Variants in FANCD2 observed in about 807,000 individuals in gnomAD.
FANCD2 encodes Fanconi anemia group D2 protein.
A neutral mutation model predicts 192.3 loss-of-function variants in FANCD2; 131 were observed. The ratio of observed to expected loss-of-function variants is 0.68; its 90% confidence interval spans 0.59 to 0.79. FANCD2 has a LOEUF of 0.79. Among genes scored for constraint, FANCD2 ranks in the 30% least tolerant of loss-of-function variants. The pLI is 0.00. For missense variants in FANCD2, 1,508 were observed against 1,701.6 expected (o/e 0.89, Z 2.00); for synonymous variants, 524 against 612.5 (o/e 0.86, Z 2.13).
intron 9 of FANCD2, chr3:10,040,087 T>C (rs2086828973): frequency 2.0e-6 from 1 of 496,764 alleles, no homozygotes; most frequent in African/African-American, 2.0e-5. Context: ...CAGGCTGGAG[T>C]GCAGTGGTGC....
At chr3:10,028,848 A>G in intron 2 of FANCD2, 127 bp downstream of exon 2, 1 of 859,798 alleles carries the variant, frequency 1.2e-6, no homozygotes, top group Non-Finnish European at 1.9e-6. Flanking sequence ...CACAGAATTA[A>G]GGGAGAAATA....
chr3:10,075,595 CAG>C (rs1693489065), intron 29 of FANCD2, among the ~76,000 whole-genome samples: 1 of 152,112 alleles, frequency 6.6e-6, no homozygotes, highest in African/African-American at 2.4e-5. Context: ...GACATTTTCA[CAG>C]ATAAAGTAAC....
intron 3 of FANCD2, among the ~76,000 whole-genome samples, chr3:10,033,696 G>GTTTTTT (rs751645479): frequency 2.4e-4 from 15 of 62,464 alleles, no homozygotes; most frequent in African/African-American, 7.0e-4. Flanking sequence ...TCAAAGCTAA[G>GTTTTTT]TCTTTTTTTT....
At chr3:10,092,897 C>T (rs1364905607) in intron 38 of FANCD2, among the ~76,000 whole-genome samples, 1 of 151,670 alleles carries the variant, frequency 6.6e-6, no homozygotes, top group Non-Finnish European at 1.5e-5. Flanking sequence ...TCATTCTGTT[C>T]CCCAGGCTGG....
At chr3:10,035,953 A>T (rs1245534545) in intron 6 of FANCD2, among the ~76,000 whole-genome samples, 1 of 152,174 alleles carries the variant, frequency 6.6e-6, no homozygotes, top group Admixed American at 6.5e-5. Context: ...TCAGAAGACA[A>T]ATTAAGTCTT....
rs1553610035 is a variant in FANCD2, at chr3:10,054,410, C to CGT, written c.1656+1914_1656+1915dup. Among the ~76,000 whole-genome samples, 12 of 71,416 alleles carry CGT rather than the reference C, an allele frequency of 1.7e-4. 1 individual carries two copies. The highest frequency in any genetic ancestry group is 8.5e-4 in the African/African-American group (10 of 11,776). 46.9% of individuals were successfully genotyped at this position (71,416 alleles called of 152,430 possible). A position where few individuals can be genotyped will look rare whatever the true frequency, so the allele number is the denominator to read the frequency against. ...ATATGTATATACGTATATGTATATA[C>CGT]GTATATACATATATACATGTATATA... On this transcript the variant is annotated intron_variant, in intron 18 of 43. Transcript: ENST00000675286.
Position 10,052,418 on chromosome 3 carries a change from C to T in FANCD2, c.1577C>T (p.Pro526Leu). The change falls in exon 18 of 44, where the codon CCT becomes CTT. Residue 526 changes from proline to leucine, a missense_variant. Physicochemically the swap from Pro to Leu is moderately conservative, Grantham distance 98. Around this residue, in one of 5 missense-constraint regions of FANCD2, gnomAD observed 110 missense variants for 114.4 expected, o/e 0.96. Transcript: ENST00000675286. ...GILDYLDNIS[P>L]QQIRKLFYVL... ...TTAGATTATCTGGATAACATATCCC[C>T]TCAGCAAATACGAAAACTCTTCTAT... The T allele has an allele frequency of 6.2e-7, 1 of 1,613,312 alleles. No homozygotes were observed. Among genetic ancestry groups the T allele is most frequent in the Non-Finnish European group, 8.5e-7 (1 of 1,179,522 alleles).
chr3:10,085,922 G>A lies in FANCD2; in HGVS notation c.3335G>A (p.Ser1112Asn). Reference sequence around the variant, plus strand: ...AGCCAGCCTTTGGAGGAACTACTCAGGTGAGTCATAACTACATAGCCAAGA... The same window carrying A: ...AGCCAGCCTTTGGAGGAACTACTCAAGTGAGTCATAACTACATAGCCAAGA... Reference protein sequence around the residue: ...EHSQPLEELLSQSVHYLQNFH... With the variant: ...EHSQPLEELLNQSVHYLQNFH... The change falls in exon 33 of 44, where the codon AGC becomes AAC. Residue 1112 changes from serine (S) to asparagine (N), a missense_variant and splice_region_variant. By Grantham distance (46) the Ser-to-Asn change is conservative (BLOSUM62 1). This residue lies in a region of FANCD2 where 796 missense variants were observed against 879.4 expected (regional missense o/e 0.91). Coordinates refer to ENST00000675286, the MANE Select transcript of FANCD2 (RefSeq NM_001018115.3). 2 of 1,601,410 alleles carry A rather than the reference G, an allele frequency of 1.2e-6. No individual in the cohort carries two copies. The highest frequency in any genetic ancestry group is 1.7e-6 in the Non-Finnish European group (2 of 1,168,578).
rs544908349 is a variant in FANCD2 at position 10,060,409 on chromosome 3, C to T, written c.1766+6C>T. On this transcript the variant is annotated splice_donor_region_variant and intron_variant, in intron 19 of 43. Coordinates refer to ENST00000675286, the MANE Select transcript of FANCD2 (RefSeq NM_001018115.3). The stretch of plus-strand genomic sequence containing the variant: ...GGCATCATGGCGGCAGACAGGTACA[C>T]GTGGAGATTCTGACTTCTGTGGTTT... 27 of 1,602,462 alleles carry T rather than the reference C, an allele frequency of 1.7e-5. No homozygotes were observed. In the South Asian group the frequency reaches 2.3e-4, roughly 14 times the overall value.
At position 10,074,554 on chromosome 3, in the gene FANCD2, ACAT is replaced by A. The variant is rs758781334; in HGVS notation, c.2744_2746del (p.Ser915del). On this transcript the variant is annotated inframe_deletion, in exon 29 of 44. Coordinates refer to ENST00000675286, the MANE Select transcript of FANCD2 (RefSeq NM_001018115.3). ...GGAGTTCACAGGGAAGGAAGAAAAG[ACAT>A]CATTGTTACTACATAATTCCCATGC... 6.2e-7 allele frequency: 1 copy of A among 1,613,804 alleles called. No individual in the cohort carries two copies. The highest frequency in any genetic ancestry group is 8.5e-7 in the Non-Finnish European group (1 of 1,179,862).
intron 1 of FANCD2, 74 bp downstream of exon 1, chr3:10,026,547 G>T (rs1411707641): frequency 9.4e-6 from 4 of 427,544 alleles, no homozygotes; most frequent in African/African-American, 6.4e-5. Context: ...AGTCCGGGCC[G>T]CGGTCGGCGT....
intron 26 of FANCD2, among the ~76,000 whole-genome samples, chr3:10,070,312 C>G (rs913474240): frequency 7.3e-5 from 11 of 150,354 alleles, no homozygotes; most frequent in African/African-American, 2.7e-4. Flanking sequence ...CCGGCAGCCA[C>G]CCCGTCCGGG....
chr3:10,086,994 A>G (rs1694245555), intron 33 of FANCD2, 140 bp from the exon 34 acceptor site: 1 of 924,908 alleles, frequency 1.1e-6, no homozygotes, highest in East Asian at 2.4e-5. Context: ...GAGGGTTGCT[A>G]CTAAAGCACC....
intron 26 of FANCD2, among the ~76,000 whole-genome samples, chr3:10,069,500 C>A (rs1288793850): frequency 7.5e-6 from 1 of 134,152 alleles, no homozygotes; most frequent in Admixed American, 7.1e-5. Flanking sequence ...TCCCGTCTCC[C>A]TCTGATGCCG....
At chr3:10,046,304 T>C (rs536709489) in intron 14 of FANCD2, 52 of 384,542 alleles carry the variant, frequency 1.4e-4, no homozygotes, top group East Asian at 4.3e-4. Context: ...CTGCCCGCCT[T>C]GGCCTCCCAA....
chr3:10,087,594 G>A (rs1014388230), intron 34 of FANCD2, among the ~76,000 whole-genome samples: 1 of 151,662 alleles, frequency 6.6e-6, no homozygotes, highest in African/African-American at 2.4e-5. Context: ...AATAAAGTAG[G>A]AAATAAAGGA....
chr3:10,074,752 A>C (rs1009077635), intron 29 of FANCD2, 79 bp downstream of exon 29: 6 of 1,340,930 alleles, frequency 4.5e-6, no homozygotes, highest in Middle Eastern at 1.8e-4. Flanking sequence ...CACAAAGAAC[A>C]CTGTGACACT....
chr3:10,052,039 C>T (rs890120858), intron 17 of FANCD2, among the ~76,000 whole-genome samples: 6 of 151,972 alleles, frequency 3.9e-5, no homozygotes, highest in Non-Finnish European at 8.8e-5. Flanking sequence ...ATACCGAGAA[C>T]TGGGAGGTGC....
Position 10,090,401 on chromosome 3 carries a change from G to T in FANCD2, c.3777+16G>T. On this transcript the variant is annotated intron_variant, in intron 37 of 43. Transcript: ENST00000675286. ...CTCGCAGCAGGTGAGTAAGATAATA[G>T]TCACTTCAAGAAGTGGACTTTGGAT... 7.2e-7 allele frequency: 1 copy of T among 1,395,984 alleles called. No individual in the cohort carries two copies. The highest frequency in any genetic ancestry group is 1.0e-6 in the Non-Finnish European group (1 of 1,001,350). 86.5% of individuals were successfully genotyped at this position (1,395,984 alleles called of 1,614,324 possible). A position where few individuals can be genotyped will look rare whatever the true frequency, so the allele number is the denominator to read the frequency against.
Sources: gnomAD v4.1 joint callset for allele counts (sites outside exome capture counted in the v4.1 genomes callset) on GRCh38, gnomAD v4.1.1 for gene constraint, gnomAD v4.1.1 regional missense constraint, MANE v1.5 for transcripts, NCBI Gene and HGNC (gene_info 2026-07-23, HGNC 2026-07-21) for gene names.